The following RUVBL1 variants were observed in gnomAD, a reference collection of about 807,000 sequenced individuals.
The protein encoded by RUVBL1 is ruvB-like 1.
A neutral mutation model predicts 52.4 loss-of-function variants in RUVBL1; 4 were observed. The ratio of observed to expected loss-of-function variants is 0.08; its 90% CI spans 0.04 to 0.17. The LOEUF is 0.17. Ranked by LOEUF, RUVBL1 falls within the 10% of genes least tolerant of loss-of-function variation. The pLI, the probability that RUVBL1 is intolerant of heterozygous loss-of-function variation, is 1.00. For missense variants in RUVBL1, 298 were observed against 572.8 expected (o/e 0.52, Z 4.90); for synonymous variants, 217 against 214.4 (o/e 1.01, Z -0.10).
chr3:128,101,925 C>A (rs1943117026), intron 4 of RUVBL1, among the ~76,000 whole-genome samples: 1 of 152,208 alleles, frequency 6.6e-6, no homozygotes, highest in South Asian at 2.1e-4. Context: ...GGGACACGTA[C>A]TCTCCTCTTT....
At chr3:128,130,906 T>C (rs1395488093) in intron 1 of RUVBL1, among the ~76,000 whole-genome samples, 1 of 151,770 alleles carries the variant, frequency 6.6e-6, no homozygotes, top group East Asian at 2.0e-4. Flanking sequence ...CACCTCGGCC[T>C]CCCAAAGTGC....
In RUVBL1 at chr3:128,067,976, C is replaced by G. The variant is rs1314625413; in HGVS notation, c.940-2756G>C. 2 of 1,613,582 alleles carry G rather than the reference C, an allele frequency of 1.2e-6. No individual in the cohort carries two copies. The highest frequency in any genetic ancestry group is 2.2e-5 in the South Asian group (2 of 91,068). ...ATTCCAACTTCTCCCCTGTGGGCACCCTGCAGGTTGCAAAGCAGCTGAAGG... is the reference window on the plus strand; with the variant it reads ...ATTCCAACTTCTCCCCTGTGGGCACGCTGCAGGTTGCAAAGCAGCTGAAGG... On this transcript the variant is annotated intron_variant, in intron 9 of 9. Transcript: ENST00000464873. This position sits in a 1 kb window ranked among gnomAD's most constrained non-coding sequence, Gnocchi z 4.1.
exon 1 of RUVBL1, chr3:128,153,299 G>A: frequency 7.3e-7 from 1 of 1,362,236 alleles, no homozygotes; most frequent in Non-Finnish European, 9.4e-7. Context: ...GAGAAACCCT[G>A]CCTACGGTGA....
chr3:128,123,587 T>C lies in RUVBL1; in HGVS notation c.138A>G (p.Arg46=). ...ASGLVGQENA[R]EACGVIVELI... ...CTCCCTGGTCCACTGGCCACACCTC[T>C]CGCGCGTTCTCCTGGCCCACAAGCC... The change falls in exon 1 of 11, where the codon CGA becomes CGG. Residue 46 remains arginine, a synonymous_variant. Coordinates refer to ENST00000322623, the MANE Select transcript of RUVBL1 (RefSeq NM_003707.3). 1 of 1,605,330 alleles carries C rather than the reference T, an allele frequency of 6.2e-7. No individual in the cohort carries two copies. The highest frequency in any genetic ancestry group is 8.5e-7 in the Non-Finnish European group (1 of 1,175,684).
intron 3 of RUVBL1, among the ~76,000 whole-genome samples, chr3:128,107,951 A>G (rs1553727838): frequency 6.6e-6 from 1 of 152,230 alleles, no homozygotes; most frequent in Non-Finnish European, 1.5e-5. Flanking sequence ...CCCGTCTCTC[A>G]CTAGCCCCCA....
intron 9 of RUVBL1, among the ~76,000 whole-genome samples, chr3:128,072,181 G>A (rs912785913): frequency 3.9e-5 from 6 of 152,168 alleles, no homozygotes; most frequent in East Asian, 1.9e-4. Context: ...CCCTTAGAAC[G>A]TGTCTAGAAG....
chr3:128,100,168 C>T (rs886897374), intron 6 of RUVBL1, among the ~76,000 whole-genome samples: 1 of 152,216 alleles, frequency 6.6e-6, no homozygotes, highest in African/African-American at 2.4e-5. Context: ...AAGCAGACAA[C>T]AGTACCAGCT....
Position 128,067,617 on chromosome 3 carries a change from G to A in RUVBL1, c.940-2397C>T, listed in dbSNP as rs542096754. ...TCAGGTTCCTCTGCCAAAGATGTAA[G>A]TAGAAGCAAAACTTTCTGGAAGGGT... On this transcript the variant is annotated intron_variant, in intron 9 of 9. Transcript: ENST00000464873. The surrounding 1 kb of genome is among the most constrained non-coding windows in gnomAD (Gnocchi z 4.1). The A allele has an allele frequency of 2.5e-6, 4 of 1,605,218 alleles. No homozygotes were observed. The East Asian group carries it at 6.7e-5, about 27-fold the overall frequency.
intron 1 of RUVBL1, among the ~76,000 whole-genome samples, chr3:128,148,329 C>T (rs969073570): frequency 6.6e-6 from 1 of 152,054 alleles, no homozygotes; most frequent in Admixed American, 6.6e-5. Flanking sequence ...GTAAAACCAA[C>T]AGAATTTTTT....
At chr3:128,113,643 T>G (rs1293362692) in intron 2 of RUVBL1, among the ~76,000 whole-genome samples, 2 of 152,244 alleles carry the variant, frequency 1.3e-5, no homozygotes, top group Non-Finnish European at 2.9e-5. Flanking sequence ...TGTATTATTT[T>G]TGTTATTGTA....
At chr3:128,144,697 C>G (rs1379847368) in intron 1 of RUVBL1, among the ~76,000 whole-genome samples, 1 of 152,232 alleles carries the variant, frequency 6.6e-6, no homozygotes, top group Non-Finnish European at 1.5e-5. Flanking sequence ...GGGAAGAGCT[C>G]TGGAGCACCT....
rs961658097 is a variant in RUVBL1 at position 128,153,476 on chromosome 3, G to A, written c.-313C>T. On this transcript the variant is annotated 5_prime_UTR_variant, in exon 1 of 10. Transcript: ENST00000464873. The stretch of plus-strand genomic sequence containing the variant: ...GACTACCGAGGGAGGTGAGGGGCGG[G>A]CCGGGCGGGTGTCCGAGGCGGCGGC... The A allele has an allele frequency of 2.3e-5, 33 of 1,466,018 alleles. No individual in the cohort carries two copies. The African/African-American group carries it at 3.2e-4, about 14-fold the overall frequency. 90.8% of individuals were successfully genotyped at this position (1,466,018 alleles called of 1,614,324 possible).
exon 10 of RUVBL1, chr3:128,065,040 G>A: frequency 6.2e-7 from 1 of 1,614,226 alleles, no homozygotes; most frequent in Non-Finnish European, 8.5e-7. Flanking sequence ...ATTTCCAGGT[G>A]TGTCCAGATC....
intron 2 of RUVBL1, among the ~76,000 whole-genome samples, chr3:128,117,589 G>A (rs1943555599): frequency 6.6e-6 from 1 of 151,826 alleles, no homozygotes; most frequent in East Asian, 1.9e-4. Context: ...GGCAATAGCT[G>A]AAGAGATTAA....
intron 8 of RUVBL1, among the ~76,000 whole-genome samples, chr3:128,088,647 G>C (rs1942730542): frequency 6.6e-6 from 1 of 151,634 alleles, no homozygotes; most frequent in African/African-American, 2.4e-5. Context: ...CTGTGGCCCA[G>C]GCTGGAGTGC....
chr3:128,145,313 C>T (rs565789076), intron 1 of RUVBL1, among the ~76,000 whole-genome samples: 1 of 152,276 alleles, frequency 6.6e-6, no homozygotes, highest in Non-Finnish European at 1.5e-5. Flanking sequence ...CCCAAGGCTC[C>T]ACAATTTCCA....
exon 1 of RUVBL1, chr3:128,153,594 C>G (rs747332923): frequency 4.4e-6 from 7 of 1,586,304 alleles, no homozygotes; most frequent in Non-Finnish European, 6.0e-6. Flanking sequence ...CGCTAAGCAC[C>G]ACAGCCTCCA....
chr3:128,152,093 C>T lies in RUVBL1; in HGVS notation c.-40+1110G>A, dbSNP rs114742626. 2.5e-3 allele frequency among the ~76,000 whole-genome samples: 381 copies of T among 152,324 alleles called. 2 individuals carry two copies. Among genetic ancestry groups the T allele is most frequent in the African/African-American group, 8.4e-3 (348 of 41,578 alleles). On this transcript the variant is annotated intron_variant, in intron 1 of 9. Coordinates refer to the RUVBL1 transcript ENST00000464873. Reference sequence around the variant, plus strand: ...TCCCTGTCATCTTAGACTCTTTTAACTTCTCTTCTTTGATTTACCCACCAC... The same window carrying T: ...TCCCTGTCATCTTAGACTCTTTTAATTTCTCTTCTTTGATTTACCCACCAC...
chr3:128,068,659 G>C (rs1175203266), intron 9 of RUVBL1: 1 of 154,242 alleles, frequency 6.5e-6, no homozygotes, highest in Non-Finnish European at 1.4e-5. Flanking sequence ...GTGAGAGTTT[G>C]GGCCAGAGGT....
Sources: gnomAD v4.1 joint callset for allele counts (sites outside exome capture counted in the v4.1 genomes callset) on GRCh38, gnomAD v4.1.1 for gene constraint, Gnocchi (gnomAD v3.1) non-coding constraint, MANE v1.5 for transcripts, NCBI Gene and HGNC (gene_info 2026-07-23, HGNC 2026-07-21) for gene names.